Variants in EVC observed in about 807,000 individuals in gnomAD.
EVC encodes the protein evC complex member EVC.
In EVC, 116 loss-of-function variants were observed where a neutral mutation model predicts 118.9. The ratio of observed to expected loss-of-function variants is 0.98; its 90% CI spans 0.84 to 1.14. The LOEUF (loss-of-function observed/expected upper bound fraction) is 1.14. Ranked by LOEUF, EVC falls within the 50% of genes most tolerant of loss-of-function variation. The probability of loss-of-function intolerance (pLI) is 0.00; values close to 1 mark genes in which losing one functional copy is unlikely to be tolerated. For missense variants in EVC, 1,401 were observed against 1,246.4 expected, an observed-to-expected ratio of 1.12 and a Z score of -1.87; for synonymous variants, 619 against 534.7, an observed-to-expected ratio of 1.16 and a Z score of -2.18.
At chr4:5,825,220 TAAG>T in the EVC span, 5 of 985,198 alleles carry the variant, frequency 5.1e-6, no homozygotes, top group African/African-American at 8.7e-5. This position sits in a 1 kb window ranked among gnomAD's most constrained non-coding sequence, Gnocchi z 4.4. Flanking sequence ...CAAATGTGTG[TAAG>T]GATGAGCACT....
intron 15 of EVC, among the ~76,000 whole-genome samples, chr4:5,799,925 A>C (rs1343460827): frequency 6.6e-6 from 1 of 152,214 alleles, no homozygotes; most frequent in African/African-American, 2.4e-5. Flanking sequence ...CCTAACAGTA[A>C]ATGCTCGCTG....
Position 5,719,253 on chromosome 4 carries a change from C to A in EVC, c.180C>A (p.Asp60Glu), listed in dbSNP as rs755788871. Residue 60 changes from aspartate (D) to glutamate (E), a missense_variant, in exon 2 of 21, where the codon GAC becomes GAA. Physicochemically the swap from Asp to Glu is conservative, Grantham distance 45. Transcript: ENST00000264956. This position sits in a 1 kb window ranked among gnomAD's most constrained non-coding sequence, Gnocchi z 4.7. ...TCCTGACCTTCGGGTTTTAGAAAGA[C>A]GACACTCAAAATCTGCTCAAGAATT... The part of the protein sequence containing the change: ...AGRQRTRHQK[D>E]DTQNLLKNLE... 6.2e-7 allele frequency: 1 copy of A among 1,613,984 alleles called. No homozygotes were observed. The highest frequency in any genetic ancestry group is 1.7e-5 in the Admixed American group (1 of 60,000).
At chr4:5,825,576 G>A in the EVC span, 35 of 1,601,904 alleles carry the variant, frequency 2.2e-5, no homozygotes, top group South Asian at 1.9e-4. This position sits in a 1 kb window ranked among gnomAD's most constrained non-coding sequence, Gnocchi z 4.4. Flanking sequence ...CTGAAGGAGC[G>A]GGAGTTGCAT....
In EVC at chr4:5,753,713, A is replaced by G. The variant is rs1730743941; in HGVS notation, c.1316-72A>G. Reference sequence around the variant, plus strand: ...GCTTCCCCAACCTCCAGACAGGAGAAAGCATGAGGGTCCCCACTGAAATTC... The same window carrying G: ...GCTTCCCCAACCTCCAGACAGGAGAGAGCATGAGGGTCCCCACTGAAATTC... On this transcript the variant is annotated intron_variant, in intron 9 of 20. Transcript: ENST00000264956. 21 of 1,596,274 alleles carry G rather than the reference A, an allele frequency of 1.3e-5. No individual in the cohort carries two copies. The South Asian group carries it at 2.0e-4, about 15-fold the overall frequency.
At chr4:5,825,747 AG>A in the EVC span, 4 of 1,390,212 alleles carry the variant, frequency 2.9e-6, no homozygotes, top group Non-Finnish European at 4.0e-6. This position sits in a 1 kb window ranked among gnomAD's most constrained non-coding sequence, Gnocchi z 4.4. Context: ...CGGGCGAGAG[AG>A]AAACCTGAGG....
At chr4:5,713,074 G>T (rs1321875171) in intron 1 of EVC, among the ~76,000 whole-genome samples, 1 of 152,198 alleles carries the variant, frequency 6.6e-6, no homozygotes, top group Non-Finnish European at 1.5e-5. Flanking sequence ...GTGAGGTGGT[G>T]GTTAGTATCC....
intron 6 of EVC, among the ~76,000 whole-genome samples, chr4:5,744,715 C>G (rs1480081798): frequency 6.6e-6 from 1 of 152,192 alleles, no homozygotes. Flanking sequence ...TCACTCTAGG[C>G]TGATATCACA....
At chr4:5,821,945 G>GTTCGCCACTT in the EVC span, 1 of 964,128 alleles carries the variant, frequency 1.0e-6, no homozygotes, top group Non-Finnish European at 1.5e-6. This position sits in a 1 kb window ranked among gnomAD's most constrained non-coding sequence, Gnocchi z 4.4. Flanking sequence ...GCACTCCACT[G>GTTCGCCACTT]GACCCACCTT....
intron 11 of EVC, among the ~76,000 whole-genome samples, chr4:5,774,701 T>C (rs1045948469): frequency 3.3e-5 from 5 of 152,072 alleles, no homozygotes; most frequent in African/African-American, 1.2e-4. Flanking sequence ...CTGTGTGTGC[T>C]TCTGTTTGAG....
intron 11 of EVC, among the ~76,000 whole-genome samples, chr4:5,780,683 G>A (rs1291464032): frequency 6.6e-6 from 1 of 152,146 alleles, no homozygotes; most frequent in Non-Finnish European, 1.5e-5. Flanking sequence ...TACAACCAGT[G>A]CCTGGAAAGG....
Position 5,767,165 on chromosome 4 carries a change from A to T in EVC, c.1563+10803A>T, listed in dbSNP as rs982047050. ...GTCTGTTGGAGTACCCTGCTGTGTG[A>T]GGTGTCAGTCTGCCTGGGCTGGGGA... On this transcript the variant is annotated intron_variant, in intron 11 of 20. Coordinates refer to ENST00000264956, the MANE Select transcript of EVC (RefSeq NM_153717.3). 3.9e-5 allele frequency among the ~76,000 whole-genome samples: 6 copies of T among 152,004 alleles called. No homozygotes were observed. In the East Asian group the frequency reaches 1.2e-3, roughly 29 times the overall value.
At chr4:5,764,064 G>T (rs1732479773) in intron 11 of EVC, among the ~76,000 whole-genome samples, 1 of 146,980 alleles carries the variant, frequency 6.8e-6, no homozygotes, top group African/African-American at 2.5e-5. Context: ...TTATTATTTT[G>T]AGATACATCC....
At position 5,752,905 on chromosome 4, in the gene EVC, C is replaced by G; in HGVS notation, c.1168C>G (p.Gln390Glu). Residue 390 changes from glutamine (Q) to glutamate (E), a missense_variant, in exon 9 of 21, where the codon CAG becomes GAG. Gln to Glu is a conservative substitution (Grantham distance 29). Transcript: ENST00000264956. ...GATTGAGTTTCTGAAGCTGCAAGTC[C>G]AGGAGGAGACCAGGTGCCGGCTGGC... is the stretch of plus-strand genomic sequence containing the variant. ...KVIEFLKLQV[Q>E]EETRCRLAAI... 1 of 1,614,226 alleles carries G rather than the reference C, an allele frequency of 6.2e-7. No homozygotes were observed. The highest frequency in any genetic ancestry group is 1.1e-5 in the South Asian group (1 of 91,090).
intron 3 of EVC, among the ~76,000 whole-genome samples, chr4:5,730,711 G>C (rs1443689835): frequency 2.6e-5 from 4 of 151,936 alleles, no homozygotes; most frequent in Non-Finnish European, 2.9e-5. Flanking sequence ...CTGGAGGAAG[G>C]GACGCTTCTG....
the EVC span, chr4:5,824,193 T>C: frequency 8.5e-6 from 5 of 587,798 alleles, no homozygotes; most frequent in Non-Finnish European, 1.1e-5. Flanking sequence ...GTGGTCCAGT[T>C]TGCAAACTCC....
chr4:5,828,201 C>T, the EVC span: 35 of 985,314 alleles, frequency 3.6e-5, no homozygotes, highest in Admixed American at 3.7e-4. Flanking sequence ...CGCAGGACAG[C>T]GCCCAGAGCA....
At chr4:5,720,356 C>T (rs1416066170) in intron 2 of EVC, among the ~76,000 whole-genome samples, 1 of 152,122 alleles carries the variant, frequency 6.6e-6, no homozygotes, top group Admixed American at 6.5e-5. Context: ...GATGAGGAAG[C>T]CGAGGCTCAG....
At chr4:5,786,446 G>C (rs945758963) in intron 12 of EVC, among the ~76,000 whole-genome samples, 1 of 152,194 alleles carries the variant, frequency 6.6e-6, no homozygotes, top group Non-Finnish European at 1.5e-5. Flanking sequence ...GAAGGTTTCT[G>C]GTTGAGTTTT....
chr4:5,795,033 G>C (rs1352177275), intron 13 of EVC, among the ~76,000 whole-genome samples: 1 of 152,126 alleles, frequency 6.6e-6, no homozygotes, highest in Non-Finnish European at 1.5e-5. Context: ...ATGGCTTCCA[G>C]CTGCATCCAT....
Sources: allele counts gnomAD v4.1 joint callset (sites outside exome capture counted in the v4.1 genomes callset), GRCh38; gene constraint gnomAD v4.1.1; non-coding constraint Gnocchi (gnomAD v3.1); transcripts MANE v1.5; gene names NCBI Gene and HGNC (gene_info 2026-07-23, HGNC 2026-07-21).